The following PDE1C variants were observed in gnomAD, a reference collection of about 807,000 sequenced individuals.
The protein encoded by PDE1C is dual specificity calcium/calmodulin-dependent 3',5'-cyclic nucleotide phosphodiesterase 1C.
In PDE1C, 62 loss-of-function variants were observed where a neutral mutation model predicts 93.1. The ratio of observed to expected loss-of-function variants is 0.67; its 90% confidence interval spans 0.54 to 0.82. The LOEUF (loss-of-function observed/expected upper bound fraction) is 0.82. Ranked by LOEUF, PDE1C falls within the 40% of genes least tolerant of loss-of-function variation. The probability of loss-of-function intolerance (pLI) is 0.00; values close to 1 mark genes in which losing one functional copy is unlikely to be tolerated. For missense variants in PDE1C, 742 were observed against 884.6 expected (o/e 0.84, Z 2.04); for synonymous variants, 325 against 310.1 (o/e 1.05, Z -0.50).
the PDE1C span, among the ~76,000 whole-genome samples, chr7:31,714,001 T>A: frequency 6.6e-6 from 1 of 152,180 alleles, no homozygotes; most frequent in Non-Finnish European, 1.5e-5. Context: ...GTTTTGGTGG[T>A]TAACATTTGG....
chr7:32,045,732 G>A (rs1792459590), intron 2 of PDE1C, among the ~76,000 whole-genome samples: 2 of 152,142 alleles, frequency 1.3e-5, no homozygotes, highest in South Asian at 2.1e-4. Flanking sequence ...ATTAACCAAT[G>A]GGCCTTAATA....
At chr7:31,696,965 G>T in the PDE1C span, 3 of 1,613,746 alleles carry the variant, frequency 1.9e-6, no homozygotes, top group Non-Finnish European at 2.5e-6. Context: ...AACCATGCAG[G>T]TGTGTTTTCA....
chr7:32,032,163 T>C (rs1227853783), intron 2 of PDE1C, among the ~76,000 whole-genome samples: 1 of 152,150 alleles, frequency 6.6e-6, no homozygotes, highest in Non-Finnish European at 1.5e-5. Flanking sequence ...ACATGTGTTC[T>C]AGAAACCCAG....
At chr7:32,009,286 C>CAG (rs1041083085) in intron 2 of PDE1C, among the ~76,000 whole-genome samples, 1 of 152,122 alleles carries the variant, frequency 6.6e-6, no homozygotes, top group Non-Finnish European at 1.5e-5. Context: ...AGTGAACTCT[C>CAG]TGAGTCAGGA....
chr7:31,786,911 ATCTATCTATCTATCTAT>A (rs1784023037), intron 16 of PDE1C: 3 of 28,672 alleles, frequency 1.0e-4, no homozygotes, highest in Non-Finnish European at 1.7e-4. Flanking sequence ...CTATCTATCT[ATCTATCTATCTATCTAT>A]CTATCTATCT....
At chr7:31,700,947 A>G in the PDE1C span, among the ~76,000 whole-genome samples, 8 of 152,210 alleles carry the variant, frequency 5.3e-5, no homozygotes. Flanking sequence ...TTAACAATGT[A>G]CCTCATCACC....
At chr7:31,912,954 A>G (rs1434485701) in intron 2 of PDE1C, among the ~76,000 whole-genome samples, 1 of 152,162 alleles carries the variant, frequency 6.6e-6, no homozygotes, top group Non-Finnish European at 1.5e-5. Flanking sequence ...TCTTGACCTT[A>G]AATGTCTGGC....
In PDE1C at chr7:31,845,206, G is replaced by A. The variant is rs185310059; in HGVS notation, c.980+2762C>T. ...CTCACTGAGCATAGAAATAATAGTT[G>A]TTTTAAAAGTCCAAAGTCCTCATCT... On this transcript the variant is annotated intron_variant, in intron 9 of 17. Transcript: ENST00000396191. Among the ~76,000 whole-genome samples the A allele has an allele frequency of 2.0e-5, 3 of 152,172 alleles. No homozygotes were observed. The East Asian group carries it at 5.8e-4, about 29-fold the overall frequency.
chr7:32,065,059 G>A (rs56127668), intron 1 of PDE1C, among the ~76,000 whole-genome samples: 2 of 148,622 alleles, frequency 1.3e-5, no homozygotes, highest in Non-Finnish European at 3.0e-5. Flanking sequence ...GGTGGGGGGG[G>A]GGGGGAGGAG....
intron 2 of PDE1C, among the ~76,000 whole-genome samples, chr7:31,944,355 G>T (rs73686839): frequency 0.032 from 4,906 of 152,234 alleles, 131 homozygotes; most frequent in African/African-American, 0.076. Flanking sequence ...CACCATTCTG[G>T]ACTCTTCCTC....
intron 3 of PDE1C, chr7:32,169,728 T>A: frequency 6.7e-7 from 1 of 1,493,310 alleles, no homozygotes. Flanking sequence ...TCTAACTGGA[T>A]TGAAACAACT....
intron 2 of PDE1C, among the ~76,000 whole-genome samples, chr7:32,208,151 G>T (rs552728447): frequency 1.3e-5 from 2 of 152,092 alleles, no homozygotes; most frequent in Admixed American, 1.3e-4. Context: ...TTTCATTATC[G>T]TACATTATTA....
At chr7:31,951,882 C>G (rs193260680) in intron 2 of PDE1C, among the ~76,000 whole-genome samples, 1 of 152,134 alleles carries the variant, frequency 6.6e-6, no homozygotes, top group Non-Finnish European at 1.5e-5. Context: ...ACCCCCTTCC[C>G]TCTTCCACAA....
chr7:32,084,845 T>C (rs1207809062), intron 3 of PDE1C, among the ~76,000 whole-genome samples: 1 of 142,648 alleles, frequency 7.0e-6, no homozygotes, highest in Non-Finnish European at 1.6e-5. Context: ...TGGGACGCAT[T>C]CAAAGCAGTG....
chr7:31,648,530 C>CA, the PDE1C span, among the ~76,000 whole-genome samples: 1 of 152,164 alleles, frequency 6.6e-6, no homozygotes, highest in Non-Finnish European at 1.5e-5. Context: ...CCACCATTCT[C>CA]AGAGAGCAAA....
chr7:32,200,496 T>A (rs1804932452), intron 2 of PDE1C, among the ~76,000 whole-genome samples: 2 of 152,138 alleles, frequency 1.3e-5, no homozygotes, highest in Admixed American at 6.5e-5. Context: ...GTTTTCCTGA[T>A]CTCTCTTTTA....
chr7:32,141,908 A>T (rs62456269), intron 3 of PDE1C, among the ~76,000 whole-genome samples: 30,775 of 152,078 alleles, frequency 0.2, 3,758 homozygotes, highest in Middle Eastern at 0.3. Context: ...TCTCTGGAAA[A>T]CTAAAATTAT....
At chr7:31,619,926 G>C in the PDE1C span, among the ~76,000 whole-genome samples, 6 of 152,194 alleles carry the variant, frequency 3.9e-5, no homozygotes, top group African/African-American at 1.4e-4. Context: ...TTTCCGACGG[G>C]CTTAAAAAAC....
chr7:32,322,349 A>G (rs553684432), intron 1 of PDE1C, among the ~76,000 whole-genome samples: 12 of 152,028 alleles, frequency 7.9e-5, no homozygotes, highest in Non-Finnish European at 1.5e-4. Context: ...GCCTCCCAAA[A>G]CCAGCACTTT....
Sources: allele counts gnomAD v4.1 joint callset (sites outside exome capture counted in the v4.1 genomes callset), GRCh38; gene constraint gnomAD v4.1.1; transcripts MANE v1.5; gene names NCBI Gene and HGNC (gene_info 2026-07-23, HGNC 2026-07-21).